The following REEP1 variants were observed in gnomAD, a reference collection of about 807,000 sequenced individuals.
The protein encoded by REEP1 is receptor accessory protein 1.
A neutral mutation model predicts 40.3 loss-of-function variants in REEP1; 22 were observed. That is an observed-to-expected ratio of 0.55 (90% CI 0.39 to 0.78). The LOEUF (loss-of-function observed/expected upper bound fraction) is 0.78, where lower values mean the gene tolerates loss of function less well. Among genes scored for constraint, REEP1 ranks in the 30% least tolerant of loss-of-function variants. The pLI, the probability that REEP1 is intolerant of heterozygous loss-of-function variation, is 0.00. For missense variants in REEP1, 280 were observed against 361.1 expected, an observed-to-expected ratio of 0.78 and a Z score of 1.82; for synonymous variants, 116 against 139.2, an observed-to-expected ratio of 0.83 and a Z score of 1.17.
At chr2:86,245,958 G>A (rs1675925511) in intron 5 of REEP1, among the ~76,000 whole-genome samples, 2 of 152,094 alleles carry the variant, frequency 1.3e-5, no homozygotes, top group East Asian at 3.9e-4. Context: ...TAGAGACGGG[G>A]TTTCACCATG....
rs573829663 is a variant in REEP1, at chr2:86,215,478, G to T, written c.*1561C>A. The T allele has an allele frequency of 5.4e-4, 83 of 152,678 alleles. No homozygotes were observed. Among genetic ancestry groups the T allele is most frequent in the African/African-American group, 2.0e-3 (82 of 41,526 alleles). The allele number at this position is 152,678 out of a possible 1,614,324, so 9.5% of individuals were successfully genotyped here. On this transcript the variant is annotated 3_prime_UTR_variant, in exon 9 of 9. Coordinates refer to ENST00000538924, the MANE Select transcript of REEP1 (RefSeq NM_001371279.1). ...CCTGTTTATAGTTGACTGACAGTAA[G>T]TTCTATATGGTATATAACACTAATT...
intron 5 of REEP1, among the ~76,000 whole-genome samples, chr2:86,240,506 G>A (rs918358290): frequency 3.9e-5 from 6 of 152,338 alleles, no homozygotes; most frequent in Admixed American, 3.9e-4. Context: ...GAAGGCACGT[G>A]CTGGCGGGGA....
chr2:86,325,770 T>C (rs1267590438), intron 1 of REEP1, among the ~76,000 whole-genome samples: 2 of 152,212 alleles, frequency 1.3e-5, no homozygotes, highest in Non-Finnish European at 2.9e-5. Context: ...CATTTCAGAC[T>C]TCTGACTTCC....
chr2:86,272,629 C>G (rs1241704856), intron 2 of REEP1, among the ~76,000 whole-genome samples: 1 of 152,192 alleles, frequency 6.6e-6, no homozygotes, highest in African/African-American at 2.4e-5. Flanking sequence ...CATTCCTCAC[C>G]TAACACAGGT....
chr2:86,226,044 C>CT (rs1292721868), intron 7 of REEP1, among the ~76,000 whole-genome samples: 1 of 150,296 alleles, frequency 6.7e-6, no homozygotes, highest in African/African-American at 2.5e-5. Flanking sequence ...GACCTCCACT[C>CT]TCCCTGGGGT....
chr2:86,232,793 C>T lies in REEP1; in HGVS notation c.427G>A (p.Ala143Thr), dbSNP rs1354947515. 2 of 1,601,210 alleles carry T rather than the reference C, an allele frequency of 1.2e-6. No homozygotes were observed. The highest frequency in any genetic ancestry group is 8.5e-7 in the Non-Finnish European group (1 of 1,179,910). ...AVMAASKGQGALSERLRSFSM... is the reference protein window; with the variant it reads ...AVMAASKGQGTLSERLRSFSM... The stretch of plus-strand genomic sequence containing the variant: ...AAGCTCCGCAGTCTCTCCGATAAGG[C>T]ACCCTGTCCCTGGATACAACACAGG... Residue 143 changes from alanine to threonine, a missense_variant, in exon 6 of 9, where the codon GCC (alanine) becomes ACC (threonine). Coordinates refer to ENST00000538924, the MANE Select transcript of REEP1 (RefSeq NM_001371279.1).
At chr2:86,291,331 A>G (rs1194721556) in intron 1 of REEP1, among the ~76,000 whole-genome samples, 1 of 152,208 alleles carries the variant, frequency 6.6e-6, no homozygotes, top group African/African-American at 2.4e-5. Context: ...AGGTGACAGT[A>G]TAATTTTAGG....
intron 2 of REEP1, among the ~76,000 whole-genome samples, chr2:86,274,193 A>G (rs867183021): frequency 2.0e-4 from 30 of 152,250 alleles, no homozygotes; most frequent in Admixed American, 3.3e-4. Context: ...AAGTCAGGAC[A>G]TCAGAGACTG....
intron 1 of REEP1, among the ~76,000 whole-genome samples, chr2:86,317,422 AG>A (rs1680069437): frequency 6.6e-6 from 1 of 152,178 alleles, no homozygotes; most frequent in Non-Finnish European, 1.5e-5. Flanking sequence ...TATCATCTAC[AG>A]ACTCCTAGGG....
intron 7 of REEP1, among the ~76,000 whole-genome samples, chr2:86,225,913 C>T (rs1349729226): frequency 1.3e-5 from 2 of 152,210 alleles, no homozygotes; most frequent in Non-Finnish European, 2.9e-5. Context: ...CCTAATGTGT[C>T]TACTTAAGGT....
upstream of REEP1, chr2:86,337,664 G>A (rs1166229460): frequency 2.9e-6 from 3 of 1,018,104 alleles, no homozygotes; most frequent in South Asian, 9.0e-5. The surrounding 1 kb of genome is among the most constrained non-coding windows in gnomAD (Gnocchi z 5.8). Context: ...TCGCGCGTTG[G>A]CGCAGCCGCG....
chr2:86,320,513 G>GA (rs1408902970), intron 1 of REEP1, among the ~76,000 whole-genome samples: 2 of 152,068 alleles, frequency 1.3e-5, no homozygotes, highest in South Asian at 4.1e-4. Context: ...GGAGCCACCA[G>GA]AAAAAAAGAG....
At chr2:86,302,877 G>T (rs560999985) in intron 1 of REEP1, among the ~76,000 whole-genome samples, 2 of 151,870 alleles carry the variant, frequency 1.3e-5, no homozygotes, top group African/African-American at 4.8e-5. Flanking sequence ...GACCACAGTA[G>T]CATTTGACCC....
intron 6 of REEP1, among the ~76,000 whole-genome samples, chr2:86,231,961 C>T (rs1274664141): frequency 6.6e-6 from 1 of 152,204 alleles, no homozygotes; most frequent in African/African-American, 2.4e-5. Flanking sequence ...ACGAGGTCCC[C>T]AGGTCAGTCC....
intron 1 of REEP1, among the ~76,000 whole-genome samples, chr2:86,302,237 G>A (rs950701205): frequency 6.6e-6 from 1 of 152,254 alleles, no homozygotes; most frequent in Non-Finnish European, 1.5e-5. Flanking sequence ...TTGTCACTGA[G>A]GGCCAACCTC....
At position 86,258,214 on chromosome 2, in the gene REEP1, G is replaced by C. The variant is rs543467052; in HGVS notation, c.183-3400C>G. Among the ~76,000 whole-genome samples the C allele has an allele frequency of 2.6e-5, 4 of 152,330 alleles. No homozygotes were observed. The South Asian group carries it at 8.3e-4, about 32-fold the overall frequency. On this transcript the variant is annotated intron_variant, in intron 3 of 8. Transcript: ENST00000538924. ...TGTTTTCTTTTCCTTGAGTCTGTCAGAGGGGTCTCTGTTGCTTGCTAGAAT... is the reference window on the plus strand; with the variant it reads ...TGTTTTCTTTTCCTTGAGTCTGTCACAGGGGTCTCTGTTGCTTGCTAGAAT...
rs12477480 is a variant in REEP1, at chr2:86,256,612, G to A, written c.183-1798C>T. Among the ~76,000 whole-genome samples, 1,415 of 152,212 alleles carry A rather than the reference G, an allele frequency of 9.3e-3. 40 individuals are homozygous for A. The highest frequency in any genetic ancestry group is 0.062 in the Admixed American group (946 of 15,288). On this transcript the variant is annotated intron_variant, in intron 3 of 8. Transcript: ENST00000538924. ...CTTTCCTTCCTTTAATGTGGAACAT[G>A]TTAAAGGCCCTCACCCCAGTTTCTC... is the stretch of plus-strand genomic sequence containing the variant.
At position 86,281,357 on chromosome 2, in the gene REEP1, C is replaced by T. The variant is rs78580339; in HGVS notation, c.105+813G>A. 2.7e-3 allele frequency among the ~76,000 whole-genome samples: 413 copies of T among 152,322 alleles called. 3 individuals carry two copies. Among genetic ancestry groups the T allele is most frequent in the African/African-American group, 8.7e-3 (363 of 41,566 alleles). On this transcript the variant is annotated intron_variant, in intron 2 of 8. Transcript: ENST00000538924. ...ACAGGAAACAGATATAGGGGCCGGGCACTGTGGCACGCCTATAATCCCCGC... is the reference window on the plus strand; with the variant it reads ...ACAGGAAACAGATATAGGGGCCGGGTACTGTGGCACGCCTATAATCCCCGC...
At chr2:86,225,412 C>T (rs760184161) in intron 7 of REEP1, among the ~76,000 whole-genome samples, 12 of 152,218 alleles carry the variant, frequency 7.9e-5, no homozygotes, top group Non-Finnish European at 1.5e-4. Flanking sequence ...GCTGGGATTA[C>T]AGGCATGTGC....
Sources: allele counts gnomAD v4.1 joint callset (sites outside exome capture counted in the v4.1 genomes callset), GRCh38; gene constraint gnomAD v4.1.1; non-coding constraint Gnocchi (gnomAD v3.1); transcripts MANE v1.5; gene names NCBI Gene and HGNC (gene_info 2026-07-23, HGNC 2026-07-21).